CACNA2D1: variants seen among roughly 807,000 people sequenced by gnomAD.
CACNA2D1 encodes calcium voltage-gated channel auxiliary subunit alpha2delta 1.
In CACNA2D1, 53 loss-of-function variants were observed where a neutral mutation model predicts 171.5. The observed-to-expected ratio is 0.31, with a 90% CI of 0.25 to 0.39. The LOEUF (loss-of-function observed/expected upper bound fraction) is 0.39. Among genes scored for constraint, CACNA2D1 ranks in the 10% least tolerant of loss-of-function variants. CACNA2D1 has a pLI of 1.00. For synonymous variants in CACNA2D1, 442 were observed against 443.1 expected, an observed-to-expected ratio of 1.00 and a Z score of 0.03; for missense variants, 903 against 1,299.8, an observed-to-expected ratio of 0.69 and a Z score of 4.69.
chr7:82,359,360 TTTTC>T (rs1471994591), intron 1 of CACNA2D1, among the ~76,000 whole-genome samples: 4 of 152,032 alleles, frequency 2.6e-5, no homozygotes, highest in South Asian at 2.1e-4. Context: ...AATTTCCTTA[TTTTC>T]TTTATTTCTA....
At chr7:82,160,203 A>G (rs1464628915) in intron 4 of CACNA2D1, among the ~76,000 whole-genome samples, 1 of 151,976 alleles carries the variant, frequency 6.6e-6, no homozygotes, top group African/African-American at 2.4e-5. Context: ...TGAGGAAAAT[A>G]ATACATAATT....
At chr7:81,968,692 A>G (rs892051172) in intron 29 of CACNA2D1, among the ~76,000 whole-genome samples, 195 bp downstream of exon 29, 6 of 151,386 alleles carry the variant, frequency 4.0e-5, no homozygotes, top group African/African-American at 1.2e-4. Flanking sequence ...CCTCAAATCT[A>G]TGTAGTATCA....
intron 5 of CACNA2D1, among the ~76,000 whole-genome samples, chr7:82,129,741 T>C (rs778367998): frequency 1.3e-5 from 2 of 152,208 alleles, no homozygotes; most frequent in Non-Finnish European, 2.9e-5. Flanking sequence ...CTCATGGATT[T>C]CTCCATTGAC....
At chr7:82,332,526 G>GAGAAAGAAAGA (rs1563381031) in intron 3 of CACNA2D1, among the ~76,000 whole-genome samples, 1 of 51,202 alleles carries the variant, frequency 2.0e-5, no homozygotes, top group Non-Finnish European at 5.4e-5. Context: ...AAGAAAGAAA[G>GAGAAAGAAAGA]AAAGAAAGAA....
At chr7:82,065,094 G>A (rs1437347528) in intron 8 of CACNA2D1, among the ~76,000 whole-genome samples, 2 of 144,624 alleles carry the variant, frequency 1.4e-5, no homozygotes, top group African/African-American at 5.5e-5. Flanking sequence ...TCTCCGACAG[G>A]AAGGGCTGCA....
At chr7:82,401,394 A>G (rs374646214) in intron 1 of CACNA2D1, among the ~76,000 whole-genome samples, 6 of 150,410 alleles carry the variant, frequency 4.0e-5, no homozygotes, top group African/African-American at 1.5e-4. Flanking sequence ...TGATGAGTTC[A>G]TGTCCTTTGT....
chr7:82,105,332 C>T (rs183255794), intron 6 of CACNA2D1, among the ~76,000 whole-genome samples: 24 of 150,642 alleles, frequency 1.6e-4, no homozygotes, highest in Non-Finnish European at 3.5e-4. Context: ...TATCCATTTA[C>T]CCTTCTATCA....
At chr7:82,393,958 C>T (rs1825492322) in intron 1 of CACNA2D1, among the ~76,000 whole-genome samples, 1 of 152,012 alleles carries the variant, frequency 6.6e-6, no homozygotes, top group African/African-American at 2.4e-5. Flanking sequence ...TAGGGAGCAA[C>T]AGAAAGGTGG....
chr7:82,362,030 A>G (rs889021395), intron 1 of CACNA2D1, among the ~76,000 whole-genome samples: 8 of 152,196 alleles, frequency 5.3e-5, no homozygotes, highest in East Asian at 1.9e-4. Context: ...AAACTGAATC[A>G]TATTCAATCA....
At chr7:82,363,254 CTTTTTTTTTTTTTT>C (rs35419275) in intron 1 of CACNA2D1, among the ~76,000 whole-genome samples, 3 of 63,420 alleles carry the variant, frequency 4.7e-5, no homozygotes, top group South Asian at 7.7e-4. Flanking sequence ...TTATTTGTCT[CTTTTTTTTTTTTTT>C]TTTTTTTTTT....
rs1187573195 is a variant in CACNA2D1 at position 82,111,441 on chromosome 7, TATA to T, written c.526+5600_526+5602del. Among the ~76,000 whole-genome samples, 384 of 103,862 alleles carry T rather than the reference TATA, an allele frequency of 3.7e-3. 39 individuals carry two copies. Among genetic ancestry groups the T allele is most frequent in the African/African-American group, 0.014 (355 of 25,634 alleles). 68.1% of individuals were successfully genotyped at this position (103,862 alleles called of 152,430 possible). A position where few individuals can be genotyped will look rare whatever the true frequency, so the allele number is the denominator to read the frequency against. ...GTATATATGTGTGTATATATATATA[TATA>T]TTTTTTTTTTTTTTTTTTTTTGAGA... On this transcript the variant is annotated intron_variant, in intron 6 of 38. Transcript: ENST00000356860.
In CACNA2D1 at chr7:81,968,981, AAAAAT is replaced by A; in HGVS notation, c.2309-13_2309-9del. The A allele has an allele frequency of 1.4e-6, 2 of 1,441,650 alleles. No homozygotes were observed. The highest frequency in any genetic ancestry group is 1.9e-6 in the Non-Finnish European group (2 of 1,027,610). 89.3% of individuals were successfully genotyped at this position (1,441,650 alleles called of 1,614,324 possible). On this transcript the variant is annotated splice_polypyrimidine_tract_variant and intron_variant, in intron 28 of 38. Coordinates refer to ENST00000356860, the MANE Select transcript of CACNA2D1 (RefSeq NM_000722.4). ...AGGCACCAGGTCCACTTTCTAAAAA[AAAAAT>A]AAATAAATAAAACACCTATCAAGAT...
intron 3 of CACNA2D1, among the ~76,000 whole-genome samples, chr7:82,248,683 T>A (rs1304021853): frequency 6.6e-6 from 1 of 152,128 alleles, no homozygotes; most frequent in East Asian, 1.9e-4. Flanking sequence ...GCATCTCAAA[T>A]TATAAAACAG....
At chr7:82,298,111 C>T (rs1026463796) in intron 3 of CACNA2D1, among the ~76,000 whole-genome samples, 2 of 151,906 alleles carry the variant, frequency 1.3e-5, no homozygotes, top group Admixed American at 6.5e-5. Flanking sequence ...TACACACCGA[C>T]TGGTAATTAT....
chr7:82,156,190 A>G (rs1485293494), intron 4 of CACNA2D1, among the ~76,000 whole-genome samples: 1 of 152,196 alleles, frequency 6.6e-6, no homozygotes, highest in Non-Finnish European at 1.5e-5. Context: ...CATGTGATTA[A>G]CTTAATTTTC....
At chr7:81,966,049 A>T (rs899249486) in intron 31 of CACNA2D1, among the ~76,000 whole-genome samples, 1 of 151,736 alleles carries the variant, frequency 6.6e-6, no homozygotes, top group Non-Finnish European at 1.5e-5. Context: ...AAGATATTTT[A>T]AAAAAATATC....
intron 1 of CACNA2D1, among the ~76,000 whole-genome samples, chr7:82,440,883 A>G (rs1305849191): frequency 6.6e-6 from 1 of 151,826 alleles, no homozygotes; most frequent in African/African-American, 2.4e-5. Context: ...TGCATAATTA[A>G]TTTTATAGTG....
At chr7:82,104,800 A>G (rs939973286) in intron 6 of CACNA2D1, among the ~76,000 whole-genome samples, 2 of 152,114 alleles carry the variant, frequency 1.3e-5, no homozygotes, top group African/African-American at 4.8e-5. Flanking sequence ...TTAAGAATAC[A>G]TGTTGTAATT....
chr7:81,964,854 G>A (rs550282456), intron 32 of CACNA2D1, among the ~76,000 whole-genome samples: 3 of 151,970 alleles, frequency 2.0e-5, no homozygotes, highest in African/African-American at 7.2e-5. Flanking sequence ...TATGTTAATT[G>A]GCTTGACGCA....
Sources: gnomAD v4.1 joint callset for allele counts (sites outside exome capture counted in the v4.1 genomes callset) on GRCh38, gnomAD v4.1.1 for gene constraint, MANE v1.5 for transcripts, NCBI Gene and HGNC (gene_info 2026-07-23, HGNC 2026-07-21) for gene names.